Variants in IL1RAPL1 observed in about 807,000 individuals in gnomAD.
The protein encoded by IL1RAPL1 is interleukin 1 receptor accessory protein like 1, also known as interleukin-1 receptor accessory protein-like 1.
IL1RAPL1 carries 3 observed loss-of-function variants against 48.4 expected under a neutral mutation model. That is an observed-to-expected ratio of 0.06 (90% CI 0.03 to 0.16). The LOEUF (loss-of-function observed/expected upper bound fraction) is 0.16. Among genes scored for constraint, IL1RAPL1 ranks in the 10% least tolerant of loss-of-function variants. The pLI is 1.00. For synonymous variants in IL1RAPL1, 185 were observed against 187.7 expected (o/e 0.99, Z 0.12); for missense variants, 349 against 530.6 (o/e 0.66, Z 3.36).
intron 3 of IL1RAPL1, among the ~76,000 whole-genome samples, chrX:29,351,288 G>A (rs959794431): frequency 7.2e-5 from 8 of 111,526 alleles, no homozygotes; most frequent in African/African-American, 2.3e-4. Flanking sequence ...ACTGTCTTAC[G>A]TGTTGAGAAC....
rs371931284 is a variant in IL1RAPL1, at chrX:29,428,597, A to C, written c.703+29289A>C. 4.5e-5 allele frequency among the ~76,000 whole-genome samples: 5 copies of C among 111,448 alleles called. No homozygotes were observed. In the East Asian group the frequency reaches 1.1e-3, roughly 25 times the overall value. ...AAAAAATGAGTAAAAACTTTCTAAGACTATGTAAAGACTATACTGACTTTT... is the reference window on the plus strand; with the variant it reads ...AAAAAATGAGTAAAAACTTTCTAAGCCTATGTAAAGACTATACTGACTTTT... On this transcript the variant is annotated intron_variant, in intron 5 of 10. Coordinates refer to ENST00000378993, the MANE Select transcript of IL1RAPL1 (RefSeq NM_014271.4).
At chrX:29,420,294 G>C (rs1934275399) in intron 5 of IL1RAPL1, among the ~76,000 whole-genome samples, 1 of 112,424 alleles carries the variant, frequency 8.9e-6, no homozygotes, top group African/African-American at 3.2e-5. Flanking sequence ...AAAGTCATTT[G>C]AATAAAAGAG....
intron 6 of IL1RAPL1, among the ~76,000 whole-genome samples, chrX:29,897,866 T>C (rs1447955600): frequency 8.9e-6 from 1 of 111,976 alleles, no homozygotes; most frequent in African/African-American, 3.2e-5. Flanking sequence ...TGACTACAGA[T>C]TGTTGGAGAA....
At chrX:29,387,169 C>T (rs187088235) in intron 3 of IL1RAPL1, among the ~76,000 whole-genome samples, 1 of 112,043 alleles carries the variant, frequency 8.9e-6, no homozygotes, top group Non-Finnish European at 1.9e-5. Context: ...ATTAGAGCAT[C>T]AAGCAGGTGC....
intron 6 of IL1RAPL1, among the ~76,000 whole-genome samples, chrX:29,803,467 A>ATATGTATACATCTATGTATACATC (rs1930155915): frequency 1.0e-5 from 1 of 98,129 alleles, no homozygotes; most frequent in Non-Finnish European, 2.0e-5. Context: ...ATATATGTAT[A>ATATGTATACATCTATGTATACATC]TATGTATACA....
In IL1RAPL1 at chrX:28,661,111, T is replaced by C. The variant is rs1024073841; in HGVS notation, c.-25+73064T>C. On this transcript the variant is annotated intron_variant, in intron 1 of 10. Transcript: ENST00000378993. ...CTAGTCATCTAGATCTCAAGTGAAA[T>C]GTGCAATTGAAGGTATAAAAATAAA... Among the ~76,000 whole-genome samples, 3 of 111,893 alleles carry C rather than the reference T, an allele frequency of 2.7e-5. No individual in the cohort carries two copies. In the South Asian group the frequency reaches 1.1e-3, roughly 41 times the overall value.
At chrX:29,917,418 G>A (rs753825085) in intron 6 of IL1RAPL1, 46 bp from the exon 7 acceptor site, 1 of 1,176,300 alleles carries the variant, frequency 8.5e-7, no homozygotes, top group Non-Finnish European at 1.2e-6. Flanking sequence ...TAAAATAAGT[G>A]TGAACAAATA....
At chrX:28,844,861 T>A (rs1403967400) in intron 2 of IL1RAPL1, among the ~76,000 whole-genome samples, 1 of 111,950 alleles carries the variant, frequency 8.9e-6, no homozygotes, top group East Asian at 2.8e-4. Context: ...AATGCAGTTC[T>A]TATTGATATT....
chrX:29,509,440 C>T (rs1935370223), intron 5 of IL1RAPL1, among the ~76,000 whole-genome samples: 1 of 112,642 alleles, frequency 8.9e-6, no homozygotes, highest in Non-Finnish European at 1.9e-5. Flanking sequence ...GCATGTAAAA[C>T]TGACCATCAC....
At chrX:29,038,931 C>T (rs1019905244) in intron 2 of IL1RAPL1, among the ~76,000 whole-genome samples, 1 of 111,090 alleles carries the variant, frequency 9.0e-6, no homozygotes, top group Non-Finnish European at 1.9e-5. Flanking sequence ...AAAAGCATAA[C>T]GGTAACTCTA....
chrX:28,728,250 G>A (rs1465433060), intron 1 of IL1RAPL1, among the ~76,000 whole-genome samples: 1 of 111,320 alleles, frequency 9.0e-6, no homozygotes, highest in Non-Finnish European at 1.9e-5. Flanking sequence ...AACTATTCAA[G>A]GGTGCTTTCC....
At chrX:29,722,866 A>G in intron 6 of IL1RAPL1, among the ~76,000 whole-genome samples, 1 of 112,282 alleles carries the variant, frequency 8.9e-6, no homozygotes, top group East Asian at 2.8e-4. Flanking sequence ...TTCCATTCAG[A>G]ACATATGCTT....
intron 2 of IL1RAPL1, among the ~76,000 whole-genome samples, chrX:29,216,317 G>A (rs182632578): frequency 1.9e-3 from 207 of 110,684 alleles, no homozygotes; most frequent in African/African-American, 6.4e-3. Flanking sequence ...AGCCTCCTTA[G>A]TAGCTGGGAC....
At chrX:29,779,166 G>A (rs1929276949) in intron 6 of IL1RAPL1, among the ~76,000 whole-genome samples, 1 of 111,784 alleles carries the variant, frequency 8.9e-6, no homozygotes, top group African/African-American at 3.2e-5. Flanking sequence ...TCAACCTGCT[G>A]AAAAAACTTA....
intron 2 of IL1RAPL1, among the ~76,000 whole-genome samples, chrX:28,876,125 T>C (rs1471538750): frequency 9.0e-6 from 1 of 111,501 alleles, no homozygotes; most frequent in Non-Finnish European, 1.9e-5. Flanking sequence ...ATCTGTGTTC[T>C]TTGTAAATTA....
intron 2 of IL1RAPL1, among the ~76,000 whole-genome samples, chrX:28,839,060 A>G (rs761541089): frequency 8.9e-6 from 1 of 112,012 alleles, no homozygotes; most frequent in Non-Finnish European, 1.9e-5. Context: ...TATAAAGGTG[A>G]GGAAAAAGAA....
At chrX:28,656,121 A>C (rs185349479) in intron 1 of IL1RAPL1, among the ~76,000 whole-genome samples, 10 of 112,297 alleles carry the variant, frequency 8.9e-5, no homozygotes, top group African/African-American at 3.2e-4. Flanking sequence ...ATAAGATATC[A>C]AACTAGTTAG....
At chrX:29,421,585 A>G (rs1358526850) in intron 5 of IL1RAPL1, among the ~76,000 whole-genome samples, 1 of 111,092 alleles carries the variant, frequency 9.0e-6, no homozygotes, top group African/African-American at 3.3e-5. Flanking sequence ...AGGGAAAGAG[A>G]CTAAGCCATA....
chrX:29,533,885 G>A (rs930046664), intron 5 of IL1RAPL1, among the ~76,000 whole-genome samples: 1 of 111,862 alleles, frequency 8.9e-6, no homozygotes, highest in Non-Finnish European at 1.9e-5. Flanking sequence ...TTCATGTTTT[G>A]GAAACTTGGT....
Sources: allele counts gnomAD v4.1 joint callset (sites outside exome capture counted in the v4.1 genomes callset), GRCh38; gene constraint gnomAD v4.1.1; transcripts MANE v1.5; gene names NCBI Gene and HGNC (gene_info 2026-07-23, HGNC 2026-07-21).